MAN2A1: variants seen among roughly 807,000 people sequenced by gnomAD.
MAN2A1 encodes the protein alpha-mannosidase 2.
MAN2A1 carries 76 observed loss-of-function variants against 142.6 expected under a neutral mutation model. That is an observed-to-expected ratio of 0.53 (90% CI 0.44 to 0.65). MAN2A1 has a LOEUF of 0.65. Among genes scored for constraint, MAN2A1 ranks in the 30% least tolerant of loss-of-function variants. The probability of loss-of-function intolerance (pLI) is 0.00; values close to 1 mark genes in which losing one functional copy is unlikely to be tolerated. For missense variants in MAN2A1, 1,311 were observed against 1,365.1 expected (o/e 0.96, Z 0.62); for synonymous variants, 559 against 473.2 (o/e 1.18, Z -2.35).
At chr5:109,743,718 A>G (rs1002542379) in intron 4 of MAN2A1, among the ~76,000 whole-genome samples, 6 of 152,098 alleles carry the variant, frequency 3.9e-5, no homozygotes, top group African/African-American at 1.2e-4. Flanking sequence ...AAACCTCCAA[A>G]TGGCCTTTCC....
chr5:109,772,722 A>G (rs1365213185), intron 7 of MAN2A1, among the ~76,000 whole-genome samples: 2 of 152,062 alleles, frequency 1.3e-5, no homozygotes, highest in Non-Finnish European at 2.9e-5. Context: ...GTTGCCCAGG[A>G]TGGTCTTGAA....
At chr5:109,738,545 C>T (rs529529963) in intron 4 of MAN2A1, among the ~76,000 whole-genome samples, 1 of 152,036 alleles carries the variant, frequency 6.6e-6, no homozygotes, top group African/African-American at 2.4e-5. Flanking sequence ...GGAACCAGTC[C>T]GCCTAGGTTC....
intron 9 of MAN2A1, 81 bp downstream of exon 9, chr5:109,781,679 C>T: frequency 1.1e-6 from 1 of 918,152 alleles, no homozygotes; most frequent in South Asian, 2.0e-5. Context: ...ACGTAATATA[C>T]ATCATTCATG....
At position 109,819,675 on chromosome 5, in the gene MAN2A1, T is replaced by G. The variant is rs761197076; in HGVS notation, c.2116T>G (p.Phe706Val). ...CCTTCCCTATCTTTTAAAGATCTCT[T>G]TTCGAGCACATATACCGCCATTGGG... ...TISETAYEISFRAHIPPLGLK... is the reference protein window; with the variant it reads ...TISETAYEISVRAHIPPLGLK... The change falls in exon 14 of 22, where the codon TTT (phenylalanine) becomes GTT (valine). Residue 706 changes from phenylalanine to valine, a missense_variant. Physicochemically the swap from Phe to Val is conservative, Grantham distance 50. Transcript: ENST00000261483. 1.3e-6 allele frequency: 2 copies of G among 1,569,288 alleles called. No homozygotes were observed. Among genetic ancestry groups the G allele is most frequent in the Non-Finnish European group, 8.6e-7 (1 of 1,159,770 alleles).
intron 15 of MAN2A1, 89 bp downstream of exon 15, chr5:109,820,431 A>G: frequency 1.6e-6 from 2 of 1,289,718 alleles, no homozygotes; most frequent in Non-Finnish European, 1.1e-6. Flanking sequence ...TTATTTTATC[A>G]TCTGTTGATT....
intron 20 of MAN2A1, chr5:109,863,446 G>T (rs1755804544): frequency 6.6e-6 from 1 of 152,174 alleles, no homozygotes. Flanking sequence ...CAAGGATCCA[G>T]ATCTCCAGCT....
intron 5 of MAN2A1, among the ~76,000 whole-genome samples, chr5:109,760,877 T>A (rs1204259132): frequency 1.3e-5 from 2 of 152,100 alleles, no homozygotes; most frequent in African/African-American, 4.8e-5. Context: ...TTATTCTTTA[T>A]TAGTCTTACT....
intron 5 of MAN2A1, among the ~76,000 whole-genome samples, chr5:109,760,526 A>G (rs1206879056): frequency 6.6e-6 from 1 of 152,056 alleles, no homozygotes; most frequent in Non-Finnish European, 1.5e-5. Flanking sequence ...GTCAAATGGT[A>G]TTTCTGGTTC....
rs527786908 is a variant in MAN2A1 at position 109,745,306 on chromosome 5, A to G, written c.708-10023A>G. On this transcript the variant is annotated intron_variant, in intron 4 of 21. Transcript: ENST00000261483. ...CATACAATACAATAAATACAATAATATAATACAATACAGTAAACATAATGA... is the reference window on the plus strand; with the variant it reads ...CATACAATACAATAAATACAATAATGTAATACAATACAGTAAACATAATGA... Among the ~76,000 whole-genome samples, 4 of 152,350 alleles carry G rather than the reference A, an allele frequency of 2.6e-5. No homozygotes were observed. In the East Asian group the frequency reaches 7.7e-4, roughly 29 times the overall value.
At chr5:109,706,663 G>A (rs1751142121) in intron 1 of MAN2A1, among the ~76,000 whole-genome samples, 1 of 152,104 alleles carries the variant, frequency 6.6e-6, no homozygotes, top group Admixed American at 6.5e-5. Flanking sequence ...CTCTTACATG[G>A]TGGGCACATT....
intron 20 of MAN2A1, among the ~76,000 whole-genome samples, chr5:109,859,569 A>G (rs1297937645): frequency 2.0e-5 from 3 of 152,274 alleles, no homozygotes; most frequent in East Asian, 3.9e-4. Context: ...CCCCTACACT[A>G]TGAAGATCTT....
chr5:109,713,508 T>C lies in MAN2A1; in HGVS notation c.136-12T>C, dbSNP rs1751362131. On this transcript the variant is annotated splice_polypyrimidine_tract_variant and intron_variant, in intron 1 of 21. Transcript: ENST00000261483. ...GTATTTCATATAGCTGCCTTTTTCT[T>C]TTTTATTGTAGGGCCAGCTCTCAAT... 1.3e-6 allele frequency: 2 copies of C among 1,578,488 alleles called. No homozygotes were observed. The highest frequency in any genetic ancestry group is 2.3e-5 in the South Asian group (2 of 86,944).
chr5:109,738,666 T>C (rs1752177769), intron 4 of MAN2A1, among the ~76,000 whole-genome samples: 2 of 152,196 alleles, frequency 1.3e-5, no homozygotes, highest in Non-Finnish European at 1.5e-5. Context: ...CAATTTTATT[T>C]GGTTTTTGTG....
chr5:109,696,938 A>G (rs1353647834), intron 1 of MAN2A1, among the ~76,000 whole-genome samples: 3 of 152,260 alleles, frequency 2.0e-5, no homozygotes, highest in Non-Finnish European at 1.5e-5. Context: ...TTTCAAGGAT[A>G]GATTATGTTC....
chr5:109,816,870 C>T (rs535674241), intron 12 of MAN2A1, among the ~76,000 whole-genome samples: 30 of 152,220 alleles, frequency 2.0e-4, no homozygotes, highest in African/African-American at 7.0e-4. Context: ...TATTTAATTA[C>T]CCTTTGTACT....
intron 4 of MAN2A1, among the ~76,000 whole-genome samples, chr5:109,753,049 GT>G (rs1752589914): frequency 6.6e-6 from 1 of 152,058 alleles, no homozygotes. Flanking sequence ...TTAATCTGCA[GT>G]TTTTTTCTCT....
At chr5:109,790,165 G>T (rs898405424) in intron 12 of MAN2A1, among the ~76,000 whole-genome samples, 1 of 151,820 alleles carries the variant, frequency 6.6e-6, no homozygotes, top group African/African-American at 2.4e-5. Flanking sequence ...TCATTTCCTA[G>T]TTGACCCAGG....
In MAN2A1 at chr5:109,754,374, A is replaced by G. The variant is rs376185351; in HGVS notation, c.708-955A>G. Among the ~76,000 whole-genome samples the G allele has an allele frequency of 9.8e-5, 15 of 152,288 alleles. 1 individual carries two copies. The highest frequency in any genetic ancestry group is 2.6e-4 in the Admixed American group (4 of 15,286). On this transcript the variant is annotated intron_variant, in intron 4 of 21. Coordinates refer to ENST00000261483, the MANE Select transcript of MAN2A1 (RefSeq NM_002372.4). The stretch of plus-strand genomic sequence containing the variant: ...TGGTATTATGGCAAAGGAATACCCA[A>G]TAGACAAGTAATGAAGCTGTTAGAG...
intron 17 of MAN2A1, among the ~76,000 whole-genome samples, chr5:109,845,563 T>G (rs1417719000): frequency 6.6e-6 from 1 of 152,126 alleles, no homozygotes; most frequent in African/African-American, 2.4e-5. Flanking sequence ...ATAATTTGTT[T>G]TATGCAAATA....
Sources: gnomAD v4.1 joint callset for allele counts (sites outside exome capture counted in the v4.1 genomes callset) on GRCh38, gnomAD v4.1.1 for gene constraint, MANE v1.5 for transcripts, NCBI Gene and HGNC (gene_info 2026-07-23, HGNC 2026-07-21) for gene names.